PCSK2: variants seen among roughly 807,000 people sequenced by gnomAD.
PCSK2 encodes the protein proprotein convertase subtilisin/kexin type 2.
Under a neutral mutation model 69.7 loss-of-function variants are expected in PCSK2, and 14 were observed. That is an observed-to-expected ratio of 0.20 (90% CI 0.13 to 0.31). The LOEUF (loss-of-function observed/expected upper bound fraction) is 0.31, where lower values mean the gene tolerates loss of function less well. Ranked by LOEUF, PCSK2 falls within the 10% of genes least tolerant of loss-of-function variation. The pLI is 1.00. For synonymous variants in PCSK2, 307 were observed against 320.7 expected (o/e 0.96, Z 0.46); for missense variants, 544 against 842.5 (o/e 0.65, Z 4.39).
chr20:17,339,593 A>G (rs1990451124), intron 2 of PCSK2, among the ~76,000 whole-genome samples: 1 of 152,190 alleles, frequency 6.6e-6, no homozygotes, highest in South Asian at 2.1e-4. Flanking sequence ...GGCTAAATAC[A>G]GATCTCATGT....
At chr20:17,393,774 G>T (rs1435809247) in intron 5 of PCSK2, among the ~76,000 whole-genome samples, 1 of 151,980 alleles carries the variant, frequency 6.6e-6, no homozygotes, top group Non-Finnish European at 1.5e-5. Context: ...ACAACAAAAT[G>T]CAATTAAAAT....
intron 1 of PCSK2, among the ~76,000 whole-genome samples, chr20:17,241,115 T>C (rs1397388088): frequency 1.3e-5 from 2 of 152,130 alleles, no homozygotes; most frequent in Non-Finnish European, 2.9e-5. Context: ...TAATATATAG[T>C]GCATGTGAGG....
chr20:17,308,834 G>T (rs907921407), intron 2 of PCSK2, among the ~76,000 whole-genome samples: 1 of 152,054 alleles, frequency 6.6e-6, no homozygotes, highest in South Asian at 2.1e-4. Context: ...CTTCCAGGAG[G>T]CTAGCCCGGC....
intron 3 of PCSK2, 111 bp from the exon 4 acceptor site, chr20:17,360,421 G>T: frequency 1.6e-6 from 1 of 615,848 alleles, no homozygotes; most frequent in South Asian, 2.3e-5. Context: ...TGTGGCCTTT[G>T]AGCTGGTCCT....
intron 1 of PCSK2, among the ~76,000 whole-genome samples, chr20:17,243,959 AT>A (rs35644146): frequency 2.6e-5 from 4 of 151,660 alleles, no homozygotes; most frequent in Non-Finnish European, 4.4e-5. Flanking sequence ...CAGATTTTTT[AT>A]TTTTTTTTCC....
chr20:17,457,044 G>A (rs1195794813), intron 10 of PCSK2, among the ~76,000 whole-genome samples: 1 of 152,194 alleles, frequency 6.6e-6, no homozygotes, highest in Non-Finnish European at 1.5e-5. Context: ...CTATGGAGAG[G>A]CCACATATTG....
At chr20:17,242,831 C>T (rs1222392862) in intron 1 of PCSK2, among the ~76,000 whole-genome samples, 2 of 152,200 alleles carry the variant, frequency 1.3e-5, no homozygotes, top group Non-Finnish European at 2.9e-5. Context: ...AAGCTGTCCA[C>T]CTCTCTAGTG....
intron 1 of PCSK2, among the ~76,000 whole-genome samples, chr20:17,250,393 T>C (rs1375772747): frequency 1.3e-5 from 2 of 152,110 alleles, no homozygotes; most frequent in Non-Finnish European, 2.9e-5. Flanking sequence ...GGTGAGAAAA[T>C]CACATGAACA....
At chr20:17,363,635 G>A (rs1600522973) in intron 4 of PCSK2, among the ~76,000 whole-genome samples, 1 of 152,222 alleles carries the variant, frequency 6.6e-6, no homozygotes. Context: ...CACAAGATCA[G>A]AGAAGGCATG....
chr20:17,378,744 A>C (rs2031006397), intron 5 of PCSK2, among the ~76,000 whole-genome samples: 1 of 152,038 alleles, frequency 6.6e-6, no homozygotes, highest in South Asian at 2.1e-4. Context: ...GAGGATGCTA[A>C]TGAGACTATT....
chr20:17,350,953 T>C (rs949567275), intron 2 of PCSK2, among the ~76,000 whole-genome samples: 2 of 150,970 alleles, frequency 1.3e-5, no homozygotes, highest in Non-Finnish European at 2.9e-5. Context: ...GGCAAGAGAA[T>C]CGCTTGAACC....
chr20:17,401,929 T>A (rs904217101), intron 5 of PCSK2, among the ~76,000 whole-genome samples: 5 of 152,242 alleles, frequency 3.3e-5, no homozygotes, highest in African/African-American at 1.2e-4. Flanking sequence ...TGGCAGCTTA[T>A]TTTTAATACA....
At chr20:17,335,144 G>A (rs1487477779) in intron 2 of PCSK2, among the ~76,000 whole-genome samples, 2 of 152,152 alleles carry the variant, frequency 1.3e-5, no homozygotes, top group Non-Finnish European at 1.5e-5. Context: ...AAGGGCTTGC[G>A]GTTCCCACTT....
rs143390279 is a variant in PCSK2, at chr20:17,410,566, C to G, written c.620+1227C>G. On this transcript the variant is annotated intron_variant, in intron 6 of 11. Transcript: ENST00000262545. ...AAAGATCATTGCTGATGTCGGATAGCACAATTCATTCTCTATCCACATCAC... is the reference window on the plus strand; with the variant it reads ...AAAGATCATTGCTGATGTCGGATAGGACAATTCATTCTCTATCCACATCAC... 3.8e-3 allele frequency among the ~76,000 whole-genome samples: 575 copies of G among 152,264 alleles called. 3 individuals carry two copies. Among genetic ancestry groups the G allele is most frequent in the African/African-American group, 0.013 (536 of 41,558 alleles).
intron 5 of PCSK2, among the ~76,000 whole-genome samples, chr20:17,405,699 C>T (rs192870569): frequency 4.6e-5 from 7 of 152,184 alleles, no homozygotes; most frequent in African/African-American, 7.2e-5. Context: ...TAGCTAAGAG[C>T]GAGTCTCATC....
intron 2 of PCSK2, among the ~76,000 whole-genome samples, chr20:17,298,104 A>G (rs1261440533): frequency 6.6e-6 from 1 of 152,218 alleles, no homozygotes. Flanking sequence ...TTGTCATAAA[A>G]TATAAACATA....
chr20:17,457,503 G>T (rs1466091505), intron 10 of PCSK2, among the ~76,000 whole-genome samples: 1 of 152,206 alleles, frequency 6.6e-6, no homozygotes. Context: ...CAAATTGAGA[G>T]TGACTTCTCT....
intron 5 of PCSK2, among the ~76,000 whole-genome samples, chr20:17,373,803 G>A (rs556860225): frequency 6.6e-6 from 1 of 152,158 alleles, no homozygotes; most frequent in South Asian, 2.1e-4. Flanking sequence ...TTGGAAAATT[G>A]CAAATCAATA....
chr20:17,240,493 T>A (rs564819271), intron 1 of PCSK2, among the ~76,000 whole-genome samples: 16 of 152,224 alleles, frequency 1.1e-4, no homozygotes, highest in African/African-American at 3.9e-4. Context: ...GAGAACACCC[T>A]CAGGAGAGCG....
Sources: gnomAD v4.1 joint callset for allele counts (sites outside exome capture counted in the v4.1 genomes callset) on GRCh38, gnomAD v4.1.1 for gene constraint, MANE v1.5 for transcripts, NCBI Gene and HGNC (gene_info 2026-07-23, HGNC 2026-07-21) for gene names.